CSMD1: variants seen among roughly 807,000 people sequenced by gnomAD.
CSMD1 encodes CUB and Sushi multiple domains 1.
A neutral mutation model predicts 417.5 loss-of-function variants in CSMD1; 213 were observed. The ratio of observed to expected loss-of-function variants is 0.51; its 90% CI spans 0.46 to 0.57. The LOEUF (loss-of-function observed/expected upper bound fraction) is 0.57. Among genes scored for constraint, CSMD1 ranks in the 20% least tolerant of loss-of-function variants. The pLI, the probability that CSMD1 is intolerant of heterozygous loss-of-function variation, is 0.00. For synonymous variants in CSMD1, 2,862 were observed against 1,736.8 expected (o/e 1.65, Z -16.11); for missense variants, 6,923 against 4,529.7 (o/e 1.53, Z -15.17).
chr8:3,785,637 G>A (rs941701104), intron 5 of CSMD1, among the ~76,000 whole-genome samples: 1 of 152,208 alleles, frequency 6.6e-6, no homozygotes, highest in South Asian at 2.1e-4. Context: ...ACCATCGAGT[G>A]TTTATTGAAG....
In CSMD1 at chr8:4,988,427, C is replaced by A. The variant is rs543080291; in HGVS notation, c.85+5905G>T. Among the ~76,000 whole-genome samples, 26 of 152,190 alleles carry A rather than the reference C, an allele frequency of 1.7e-4. 1 individual carries two copies. In the South Asian group the frequency reaches 5.4e-3, roughly 32 times the overall value. ...CAAAATGTATCAGTAAAATAAAATA[C>A]GTAAGTTATTTTTAACAAAAAAATA... On this transcript the variant is annotated intron_variant, in intron 1 of 69. Transcript: ENST00000635120.
intron 5 of CSMD1, among the ~76,000 whole-genome samples, chr8:3,824,751 G>C (rs942487624): frequency 6.6e-6 from 1 of 152,022 alleles, no homozygotes; most frequent in Admixed American, 6.6e-5. Context: ...ATGAGATGTG[G>C]CTCACATTGG....
chr8:4,509,714 A>G (rs73496671), intron 2 of CSMD1, among the ~76,000 whole-genome samples: 4,005 of 152,250 alleles, frequency 0.026, 207 homozygotes, highest in African/African-American at 0.092. Context: ...GACACTTATT[A>G]AGCCTCATTC....
intron 5 of CSMD1, among the ~76,000 whole-genome samples, chr8:3,770,421 C>A (rs757285398): frequency 6.6e-6 from 1 of 152,028 alleles, no homozygotes; most frequent in Admixed American, 6.6e-5. Context: ...TCCAGCTACT[C>A]GAGAGGCTGA....
chr8:3,849,877 G>A (rs749209630), intron 5 of CSMD1, among the ~76,000 whole-genome samples: 10 of 152,008 alleles, frequency 6.6e-5, no homozygotes, highest in Non-Finnish European at 1.0e-4. Context: ...GTACAGTGGC[G>A]CAATCTCAGC....
chr8:4,146,247 C>T (rs1371385669), intron 3 of CSMD1, among the ~76,000 whole-genome samples: 2 of 151,036 alleles, frequency 1.3e-5, no homozygotes, highest in Admixed American at 6.6e-5. Flanking sequence ...TCTCCCAGGA[C>T]CCTCATCCAC....
At chr8:4,661,523 G>T (rs944439882) in intron 1 of CSMD1, among the ~76,000 whole-genome samples, 3 of 152,156 alleles carry the variant, frequency 2.0e-5, no homozygotes, top group South Asian at 2.1e-4. Flanking sequence ...CTCTACATGA[G>T]AATAGGATCT....
At chr8:4,815,122 G>A (rs1421652551) in intron 1 of CSMD1, among the ~76,000 whole-genome samples, 1 of 152,068 alleles carries the variant, frequency 6.6e-6, no homozygotes, top group Non-Finnish European at 1.5e-5. Context: ...CTCAATCAAT[G>A]ACATCTAGGT....
chr8:4,328,661 T>C (rs916669722), intron 3 of CSMD1, among the ~76,000 whole-genome samples: 1 of 152,208 alleles, frequency 6.6e-6, no homozygotes, highest in African/African-American at 2.4e-5. Context: ...TTTTTCTCTT[T>C]GAAAGGCATG....
At chr8:4,223,986 G>T (rs951174048) in intron 3 of CSMD1, among the ~76,000 whole-genome samples, 3 of 152,076 alleles carry the variant, frequency 2.0e-5, no homozygotes, top group East Asian at 3.9e-4. Context: ...AGCCTTTCTA[G>T]TAAAATTCTT....
chr8:3,304,735 T>TTTAATTTTTTTTATTAA (rs369212408), intron 25 of CSMD1, among the ~76,000 whole-genome samples: 1 of 151,452 alleles, frequency 6.6e-6, no homozygotes, highest in Non-Finnish European at 1.5e-5. Context: ...TTTCTCTTTT[T>TTTAATTTTTTTTATTAA]AATTTTTTTT....
At chr8:2,995,232 G>C (rs142198664) in intron 54 of CSMD1, among the ~76,000 whole-genome samples, 1 of 152,302 alleles carries the variant, frequency 6.6e-6, no homozygotes, top group South Asian at 2.1e-4. Context: ...ATTAGGATGT[G>C]AGCAAAAGGC....
chr8:4,618,902 T>C (rs768083016), intron 2 of CSMD1, among the ~76,000 whole-genome samples: 15 of 152,308 alleles, frequency 9.8e-5, no homozygotes, highest in East Asian at 1.9e-4. Flanking sequence ...GAGTGGGCTC[T>C]AGCCATAAAC....
In CSMD1 at chr8:4,920,903, AAAGAAAAGAAAAGAAAAGAAAAGAAAGAG is replaced by A. The variant is rs1563768890; in HGVS notation, c.85+73400_85+73428del. Among the ~76,000 whole-genome samples, 68 of 56,204 alleles carry A rather than the reference AAAGAAAAGAAAAGAAAAGAAAAGAAAGAG, an allele frequency of 1.2e-3. 5 individuals are homozygous for A. The highest frequency in any genetic ancestry group is 2.7e-3 in the African/African-American group (58 of 21,728). The allele number at this position is 56,204 out of a possible 152,430, so 36.9% of individuals were successfully genotyped here. On this transcript the variant is annotated intron_variant, in intron 1 of 69. Transcript: ENST00000635120. Reference sequence around the variant, plus strand: ...AAAGAAAAGAAAAGAAAAGAAAAGAAAAGAAAAGAAAAGAAAAGAAAAGAAAGAGAGAAAGAAAGAAAGAAAGAAAGAAA... The same window carrying A: ...AAAGAAAAGAAAAGAAAAGAAAAGAAAGAAAGAAAGAAAGAAAGAAAGAAA...
chr8:4,151,818 T>G (rs1796585937), intron 3 of CSMD1, among the ~76,000 whole-genome samples: 1 of 152,208 alleles, frequency 6.6e-6, no homozygotes, highest in Non-Finnish European at 1.5e-5. Context: ...GTTCGAAGTT[T>G]TTTTATATAT....
At chr8:4,379,433 C>A (rs1265534215) in intron 3 of CSMD1, among the ~76,000 whole-genome samples, 1 of 152,112 alleles carries the variant, frequency 6.6e-6, no homozygotes, top group African/African-American at 2.4e-5. Context: ...GTAAAGCCTG[C>A]AGTTTAGTTA....
chr8:4,155,873 C>T (rs1197515912), intron 3 of CSMD1, among the ~76,000 whole-genome samples: 1 of 152,094 alleles, frequency 6.6e-6, no homozygotes, highest in African/African-American at 2.4e-5. Flanking sequence ...AAAGTGCCAT[C>T]CTATAGCCCT....
chr8:3,069,077 A>C (rs146215818), intron 49 of CSMD1, among the ~76,000 whole-genome samples: 1,989 of 152,256 alleles, frequency 0.013, 27 homozygotes, highest in Non-Finnish European at 0.018. Flanking sequence ...TGTAGCTTCC[A>C]AGATACAATG....
chr8:4,753,982 G>A (rs751345265), intron 1 of CSMD1, among the ~76,000 whole-genome samples: 3 of 152,196 alleles, frequency 2.0e-5, no homozygotes, highest in Non-Finnish European at 2.9e-5. Context: ...TTCAAATACA[G>A]GAAGAGTAAA....
Sources: gnomAD v4.1 joint callset for allele counts (sites outside exome capture counted in the v4.1 genomes callset) on GRCh38, gnomAD v4.1.1 for gene constraint, MANE v1.5 for transcripts, NCBI Gene and HGNC (gene_info 2026-07-23, HGNC 2026-07-21) for gene names.